The following FRMD4B variants were observed in gnomAD, a reference collection of about 807,000 sequenced individuals.
FRMD4B encodes the protein FERM domain-containing protein 4B.
Under a neutral mutation model 141.5 loss-of-function variants are expected in FRMD4B, and 74 were observed. That is an observed-to-expected ratio of 0.52 (90% CI 0.43 to 0.63). The LOEUF (loss-of-function observed/expected upper bound fraction) is 0.63, where lower values mean the gene tolerates loss of function less well. Among genes scored for constraint, FRMD4B ranks in the 30% least tolerant of loss-of-function variants. The probability of loss-of-function intolerance (pLI) is 0.00; values close to 1 mark genes in which losing one functional copy is unlikely to be tolerated. For synonymous variants in FRMD4B, 506 were observed against 467.9 expected (o/e 1.08, Z -1.05); for missense variants, 1,366 against 1,253.4 (o/e 1.09, Z -1.36).
chr3:69,344,123 T>C (rs1467405842), intron 1 of FRMD4B, among the ~76,000 whole-genome samples: 2 of 152,166 alleles, frequency 1.3e-5, no homozygotes, highest in Non-Finnish European at 2.9e-5. Flanking sequence ...AAGAGCTGCA[T>C]CCATTGCCAA....
intron 2 of FRMD4B, among the ~76,000 whole-genome samples, chr3:69,430,620 G>A (rs1469991367): frequency 1.3e-5 from 2 of 152,178 alleles, no homozygotes; most frequent in African/African-American, 4.8e-5. Flanking sequence ...GCTGTCCCAG[G>A]CCTCAGGGAA....
At chr3:69,285,430 G>A (rs57307978) in intron 5 of FRMD4B, among the ~76,000 whole-genome samples, 129 of 145,292 alleles carry the variant, frequency 8.9e-4, no homozygotes, top group Middle Eastern at 3.6e-3. Context: ...AAGAAATAAC[G>A]GCTAAAATGT....
intron 1 of FRMD4B, among the ~76,000 whole-genome samples, chr3:69,342,756 T>G (rs1472640358): frequency 1.3e-5 from 2 of 152,186 alleles, no homozygotes; most frequent in East Asian, 3.9e-4. Flanking sequence ...TTATCATTTC[T>G]TTATGTTGGG....
At chr3:69,327,462 A>C (rs1246225325) in intron 1 of FRMD4B, among the ~76,000 whole-genome samples, 5 of 152,240 alleles carry the variant, frequency 3.3e-5, no homozygotes, top group Non-Finnish European at 7.3e-5. Context: ...CCTAAGAATT[A>C]GCAAAAATTA....
intron 5 of FRMD4B, among the ~76,000 whole-genome samples, chr3:69,278,756 T>G (rs1159645672): frequency 1.3e-5 from 2 of 152,188 alleles, no homozygotes; most frequent in African/African-American, 4.8e-5. Flanking sequence ...CTGGCTAATT[T>G]TTTTTTATTT....
At chr3:69,437,623 T>A (rs1482170807) in intron 1 of FRMD4B, among the ~76,000 whole-genome samples, 1 of 137,518 alleles carries the variant, frequency 7.3e-6, no homozygotes, top group Non-Finnish European at 1.5e-5. Context: ...ATATACTATA[T>A]AAATATATAT....
At chr3:69,202,964 A>G (rs980080591) in intron 11 of FRMD4B, among the ~76,000 whole-genome samples, 2 of 152,160 alleles carry the variant, frequency 1.3e-5, no homozygotes, top group African/African-American at 4.8e-5. Context: ...ATCTTAAAAA[A>G]ACAAAGTGAC....
rs1231040472 is a variant in FRMD4B, at chr3:69,273,894, T to G, written c.501+13858A>C. Among the ~76,000 whole-genome samples the G allele has an allele frequency of 3.3e-5, 5 of 149,860 alleles. No individual in the cohort carries two copies. The South Asian group carries it at 6.3e-4, about 19-fold the overall frequency. On this transcript the variant is annotated intron_variant, in intron 5 of 22. Coordinates refer to ENST00000398540, the MANE Select transcript of FRMD4B (RefSeq NM_015123.3). ...TGGAGGTTGAAAGAATTTAACTCCCTGTAGGAAATGGTGGTGGTAGACAAG... is the reference window on the plus strand; with the variant it reads ...TGGAGGTTGAAAGAATTTAACTCCCGGTAGGAAATGGTGGTGGTAGACAAG...
intron 1 of FRMD4B, among the ~76,000 whole-genome samples, chr3:69,348,314 A>G (rs1703018133): frequency 1.3e-5 from 2 of 152,318 alleles, no homozygotes; most frequent in African/African-American, 4.8e-5. Context: ...AAGACCAATA[A>G]GAGGCTCTGA....
rs1432784899 is a variant in FRMD4B, at chr3:69,168,946, G to C, written c.*2915C>G. Among the ~76,000 whole-genome samples the C allele has an allele frequency of 1.3e-5, 2 of 151,998 alleles. No homozygotes were observed. The highest frequency in any genetic ancestry group is 4.8e-5 in the African/African-American group (2 of 41,384). On this transcript the variant is annotated 3_prime_UTR_variant, in exon 23 of 23. Coordinates refer to ENST00000398540, the MANE Select transcript of FRMD4B (RefSeq NM_015123.3). ...GTTAAACATATATCTTTATGAGGTA[G>C]ATCAGTATGTCTTGATACAGAGGCC...
In FRMD4B at chr3:69,178,406, T is replaced by C. The variant is rs376214856; in HGVS notation, c.2852-1750A>G. ...GATGTTAGAGCTGTGGGGCTGGGTGTGATGGCTCATGGTTGTAATCCCAGC... is the reference window on the plus strand; with the variant it reads ...GATGTTAGAGCTGTGGGGCTGGGTGCGATGGCTCATGGTTGTAATCCCAGC... On this transcript the variant is annotated intron_variant, in intron 21 of 22. Coordinates refer to ENST00000398540, the MANE Select transcript of FRMD4B (RefSeq NM_015123.3). Among the ~76,000 whole-genome samples, 194 of 152,150 alleles carry C rather than the reference T, an allele frequency of 1.3e-3. 1 individual carries two copies. Among genetic ancestry groups the C allele is most frequent in the African/African-American group, 4.2e-3 (174 of 41,518 alleles).
intron 5 of FRMD4B, among the ~76,000 whole-genome samples, chr3:69,262,121 C>CATGCCCAGCTAATTTTTGTATTTTT (rs1289117872): frequency 1.3e-5 from 2 of 151,992 alleles, no homozygotes; most frequent in Non-Finnish European, 2.9e-5. Flanking sequence ...CTCCCGCCAC[C>CATGCCCAGCTAATTTTTGTATTTTT]ATGCCCAGCT....
At chr3:69,427,641 A>ATTTTTTTTTTTT (rs1285387505) in intron 2 of FRMD4B, among the ~76,000 whole-genome samples, 2 of 74,550 alleles carry the variant, frequency 2.7e-5, no homozygotes, top group African/African-American at 5.3e-5. Flanking sequence ...AGCTAGGTAA[A>ATTTTTTTTTTTT]TGTTTTTTTT....
At chr3:69,473,833 G>C (rs1467525326) in intron 1 of FRMD4B, among the ~76,000 whole-genome samples, 3 of 152,146 alleles carry the variant, frequency 2.0e-5, no homozygotes. Flanking sequence ...AAGTCAATAA[G>C]GAGAAAACCC....
chr3:69,306,059 A>C (rs1477083503), intron 3 of FRMD4B, among the ~76,000 whole-genome samples: 1 of 152,236 alleles, frequency 6.6e-6, no homozygotes, highest in Non-Finnish European at 1.5e-5. Flanking sequence ...TATTATAAGA[A>C]ATAGTTTTTT....
intron 3 of FRMD4B, among the ~76,000 whole-genome samples, chr3:69,308,454 T>C (rs760853373): frequency 6.6e-6 from 1 of 151,694 alleles, no homozygotes; most frequent in South Asian, 2.1e-4. Context: ...TTTTTTTTGT[T>C]TGGGACAGGA....
chr3:69,402,555 T>C (rs1004849247), intron 2 of FRMD4B, among the ~76,000 whole-genome samples: 1 of 152,224 alleles, frequency 6.6e-6, no homozygotes, highest in Non-Finnish European at 1.5e-5. Context: ...AAGGGGAGGA[T>C]GTTTTGTTTA....
chr3:69,224,541 T>C (rs1008678042), intron 8 of FRMD4B, 66 bp downstream of exon 8: 3 of 763,108 alleles, frequency 3.9e-6, no homozygotes, highest in Non-Finnish European at 7.0e-6. Flanking sequence ...TTTAATGCCC[T>C]GAAAAGCATG....
chr3:69,473,077 G>T (rs1398545006), intron 1 of FRMD4B, among the ~76,000 whole-genome samples: 1 of 151,624 alleles, frequency 6.6e-6, no homozygotes, highest in Non-Finnish European at 1.5e-5. Flanking sequence ...CCTTATGATT[G>T]TAAATTGAAG....
Sources: gnomAD v4.1 joint callset for allele counts (sites outside exome capture counted in the v4.1 genomes callset) on GRCh38, gnomAD v4.1.1 for gene constraint, MANE v1.5 for transcripts, NCBI Gene and HGNC (gene_info 2026-07-23, HGNC 2026-07-21) for gene names.